The following RUNX3 variants were observed in gnomAD, a reference collection of about 807,000 sequenced individuals.
RUNX3 encodes runt-related transcription factor 3.
In RUNX3, 10 loss-of-function variants were observed where a neutral mutation model predicts 27.7. The observed-to-expected ratio is 0.36, with a 90% CI of 0.22 to 0.61. The LOEUF (loss-of-function observed/expected upper bound fraction) is 0.61. Among genes scored for constraint, RUNX3 ranks in the 20% least tolerant of loss-of-function variants. The pLI is 0.72. For synonymous variants in RUNX3, 270 were observed against 269.2 expected (o/e 1.00, Z -0.03); for missense variants, 469 against 629.5 (o/e 0.75, Z 2.73).
chr1:24,934,835 A>T (rs971830902), upstream of RUNX3, among the ~76,000 whole-genome samples: 3 of 152,110 alleles, frequency 2.0e-5, no homozygotes, highest in African/African-American at 7.2e-5. Flanking sequence ...AGCTATTGTG[A>T]TGGGGAGAGG....
upstream of RUNX3, among the ~76,000 whole-genome samples, chr1:24,930,482 CCAGGG>C (rs1641202016): frequency 6.6e-6 from 1 of 151,922 alleles, no homozygotes; most frequent in African/African-American, 2.4e-5. The surrounding 1 kb of genome is among the most constrained non-coding windows in gnomAD (Gnocchi z 4.1). Context: ...GTGCCACAGC[CCAGGG>C]CCCCCGAGAG....
chr1:24,911,282 A>C (rs2124263294), intron 3 of RUNX3, among the ~76,000 whole-genome samples: 1 of 152,372 alleles, frequency 6.6e-6, no homozygotes, highest in Non-Finnish European at 1.5e-5. Context: ...GCAAAACCTC[A>C]GGCCTTGTTA....
In RUNX3 at chr1:24,902,066, T is replaced by C; in HGVS notation, c.*56A>G. On this transcript the variant is annotated 3_prime_UTR_variant, in exon 5 of 5. Transcript: ENST00000308873. This position sits in a 1 kb window ranked among gnomAD's most constrained non-coding sequence, Gnocchi z 9.2. Reference sequence around the variant, plus strand: ...CGGAGCCTCGGAGCCGGCCCATCACTGGTCTTGAAGGTTGTTAGGGTCCCC... The same window carrying C: ...CGGAGCCTCGGAGCCGGCCCATCACCGGTCTTGAAGGTTGTTAGGGTCCCC... 1 of 1,427,558 alleles carries C rather than the reference T, an allele frequency of 7.0e-7. No individual in the cohort carries two copies. The highest frequency in any genetic ancestry group is 1.4e-5 in the South Asian group (1 of 70,108). 88.4% of individuals were successfully genotyped at this position (1,427,558 alleles called of 1,614,324 possible). A position where few individuals can be genotyped will look rare whatever the true frequency, so the allele number is the denominator to read the frequency against.
upstream of RUNX3, among the ~76,000 whole-genome samples, chr1:24,933,191 G>T (rs559014545): frequency 6.6e-6 from 1 of 152,202 alleles, no homozygotes; most frequent in Non-Finnish European, 1.5e-5. Context: ...AGGTCCATGG[G>T]CTATGGAAGG....
At position 24,922,342 on chromosome 1, in the gene RUNX3, T is replaced by C. The variant is rs143854736; in HGVS notation, c.440-2998A>G. Among the ~76,000 whole-genome samples, 7 of 152,272 alleles carry C rather than the reference T, an allele frequency of 4.6e-5. 1 individual carries two copies. The highest frequency in any genetic ancestry group is 1.7e-4 in the African/African-American group (7 of 41,542). On this transcript the variant is annotated intron_variant, in intron 2 of 4. Coordinates refer to ENST00000308873, the MANE Select transcript of RUNX3 (RefSeq NM_004350.3). ...GGAAGGCATTTTTAACTTGGCTCCG[T>C]AGAGTTGAATGAGCCTGAGAACTAG...
At chr1:24,918,749 C>T (rs1421489190) in intron 3 of RUNX3, among the ~76,000 whole-genome samples, 2 of 152,116 alleles carry the variant, frequency 1.3e-5, no homozygotes, top group African/African-American at 2.4e-5. Context: ...TCTGGGTGCC[C>T]GGACTCTGGG....
intron 3 of RUNX3, among the ~76,000 whole-genome samples, chr1:24,907,773 T>TAAACCTCTACAACACACGGTGATCC (rs1640698250): frequency 2.2e-5 from 3 of 134,820 alleles, no homozygotes; most frequent in Non-Finnish European, 4.7e-5. Flanking sequence ...CGCGGTGATC[T>TAAACCTCTACAACACACGGTGATCC]AAACCTCTAC....
intron 2 of RUNX3, among the ~76,000 whole-genome samples, chr1:24,921,743 CCTT>C (rs1159023988): frequency 6.6e-6 from 1 of 152,184 alleles, no homozygotes; most frequent in Non-Finnish European, 1.5e-5. Flanking sequence ...TTGTCCAGCA[CCTT>C]CTTGGTTATG....
rs1276946581 is a variant in RUNX3, at chr1:24,943,693, TC to T, written c.59-13842del. On this transcript the variant is annotated intron_variant, in intron 2 of 6. Transcript: ENST00000338888. This position sits in a 1 kb window ranked among gnomAD's most constrained non-coding sequence, Gnocchi z 4.6. ...TGTGACGTGCTGGGGCCCAGGGGAG[TC>T]CAAAGTCAGGACTCATTCTTCCCCC... is the stretch of plus-strand genomic sequence containing the variant. Among the ~76,000 whole-genome samples, 4 of 151,420 alleles carry T rather than the reference TC, an allele frequency of 2.6e-5. No homozygotes were observed. The highest frequency in any genetic ancestry group is 9.7e-5 in the African/African-American group (4 of 41,130).
intron 3 of RUNX3, among the ~76,000 whole-genome samples, chr1:24,911,275 A>G (rs556291188): frequency 3.7e-4 from 56 of 152,366 alleles, no homozygotes; most frequent in Non-Finnish European, 6.8e-4. Flanking sequence ...GGCTGGTGCA[A>G]AACCTCAGGC....
Position 24,902,815 on chromosome 1 carries a change from CG to C in RUNX3, c.704-150del. The C allele has an allele frequency of 5.0e-6, 3 of 597,194 alleles. No individual in the cohort carries two copies. The highest frequency in any genetic ancestry group is 7.8e-6 in the Non-Finnish European group (3 of 385,914). The allele number at this position is 597,194 out of a possible 1,614,324, so 37.0% of individuals were successfully genotyped here. On this transcript the variant is annotated intron_variant, in intron 4 of 4. Transcript: ENST00000308873. The surrounding 1 kb of genome is among the most constrained non-coding windows in gnomAD (Gnocchi z 9.2). Reference sequence around the variant, plus strand: ...TCTCCTCTTCCTGCCCTAGGCTGCCCGGGGCCTCCCCCGCCAGGACTCCGAA... The same window carrying C: ...TCTCCTCTTCCTGCCCTAGGCTGCCCGGGCCTCCCCCGCCAGGACTCCGAA...
At chr1:24,934,130 A>G (rs535840409), upstream of RUNX3, among the ~76,000 whole-genome samples, 19 of 152,266 alleles carry the variant, frequency 1.2e-4, no homozygotes, top group African/African-American at 4.1e-4. Context: ...AGAAACAGAA[A>G]GAAAATGCTG....
At chr1:24,963,951 G>A (rs1040622158) in intron 2 of RUNX3, among the ~76,000 whole-genome samples, 4 of 152,208 alleles carry the variant, frequency 2.6e-5, no homozygotes, top group African/African-American at 7.2e-5. Context: ...CCCCTGCCCC[G>A]TGCAGGTCCA....
rs1046886564 is a variant in RUNX3 at position 24,902,593 on chromosome 1, C to T, written c.777G>A (p.Thr259=). Reference sequence around the variant, plus strand: ...TCCTGGGGTCTGGGAAGCGGCTCTCCGTGAGGGTTGGCAGCGTGGGGAAGG... The same window carrying T: ...TCCTGGGGTCTGGGAAGCGGCTCTCTGTGAGGGTTGGCAGCGTGGGGAAGG... ...DRSFPTLPTL[T]ESRFPDPRMH... is the part of the protein sequence containing the mutation. The change falls in exon 5 of 5, where the codon ACG becomes ACA. Residue 259 remains threonine (T), a synonymous_variant. Transcript: ENST00000308873. This position sits in a 1 kb window ranked among gnomAD's most constrained non-coding sequence, Gnocchi z 9.2. 11 of 1,555,864 alleles carry T rather than the reference C, an allele frequency of 7.1e-6. No individual in the cohort carries two copies. The highest frequency in any genetic ancestry group is 2.4e-5 in the South Asian group (2 of 83,510).
chr1:24,909,962 G>A (rs973021100), intron 3 of RUNX3, among the ~76,000 whole-genome samples: 6 of 152,240 alleles, frequency 3.9e-5, no homozygotes, highest in African/African-American at 1.4e-4. Context: ...GCCGAACAAG[G>A]GGTGGGATTT....
Position 24,902,252 on chromosome 1 carries a change from G to A in RUNX3, c.1118C>T (p.Ala373Val), listed in dbSNP as rs1356463098. Reference protein sequence around the residue: ...SCTSSAASVAAGNLMNPSLGG... With the variant: ...SCTSSAASVAVGNLMNPSLGG... ...CAGGCTGGGGTTCATGAGGTTGCCG[G>A]CGGCGACAGAGGCAGCGCTGCTGGT... is the stretch of plus-strand genomic sequence containing the variant. The change falls in exon 5 of 5, where the codon GCC becomes GTC. Residue 373 changes from alanine (A) to valine (V), a missense_variant. Ala to Val is a moderately conservative substitution (Grantham distance 64). Transcript: ENST00000308873. The surrounding 1 kb of genome is among the most constrained non-coding windows in gnomAD (Gnocchi z 9.2). 6.3e-7 allele frequency: 1 copy of A among 1,585,298 alleles called. No homozygotes were observed. Among genetic ancestry groups the A allele is most frequent in the Non-Finnish European group, 8.6e-7 (1 of 1,168,098 alleles).
chr1:24,899,526 CAG>C lies in RUNX3; in HGVS notation c.*2594_*2595del, dbSNP rs961058932. 2 of 152,546 alleles carry C rather than the reference CAG, an allele frequency of 1.3e-5. No homozygotes were observed. Among genetic ancestry groups the C allele is most frequent in the African/African-American group, 4.8e-5 (2 of 41,376 alleles). The allele number at this position is 152,546 out of a possible 1,614,324, so 9.4% of individuals were successfully genotyped here. ...GGCACTGGACTCCTTCCACACATCT[CAG>C]AGTTATATTATTGTAACAAATCAGT... On this transcript the variant is annotated 3_prime_UTR_variant, in exon 5 of 5. Transcript: ENST00000308873.
Position 24,943,043 on chromosome 1 carries a change from G to A in RUNX3, c.59-13191C>T, listed in dbSNP as rs1045229469. Among the ~76,000 whole-genome samples, 47 of 152,362 alleles carry A rather than the reference G, an allele frequency of 3.1e-4. 3 individuals carry two copies. The South Asian group carries it at 8.3e-3, about 27-fold the overall frequency. On this transcript the variant is annotated intron_variant, in intron 2 of 6. Transcript: ENST00000338888. This position sits in a 1 kb window ranked among gnomAD's most constrained non-coding sequence, Gnocchi z 4.6. ...TGGGCGGGGGTCCGGAGCGGAAGGC[G>A]CCCAGCCCTGATTGGAACAAGGTGG...
chr1:24,947,803 G>A (rs1022771502), intron 2 of RUNX3, among the ~76,000 whole-genome samples: 8 of 152,224 alleles, frequency 5.3e-5, no homozygotes, highest in African/African-American at 1.7e-4. Context: ...AGCCGGAGCT[G>A]GCAGGGCCTG....
Sources: allele counts gnomAD v4.1 joint callset (sites outside exome capture counted in the v4.1 genomes callset), GRCh38; gene constraint gnomAD v4.1.1; non-coding constraint Gnocchi (gnomAD v3.1); transcripts MANE v1.5; gene names NCBI Gene and HGNC (gene_info 2026-07-23, HGNC 2026-07-21).